Variants in FRMPD4 observed in about 807,000 individuals in gnomAD.
The protein encoded by FRMPD4 is FERM and PDZ domain-containing protein 4.
In FRMPD4, 22 loss-of-function variants were observed where a neutral mutation model predicts 94.1. That is an observed-to-expected ratio of 0.23 (90% CI 0.17 to 0.33). FRMPD4 has a LOEUF of 0.33. FRMPD4 is among the 10% of genes least tolerant of loss of function. The pLI is 1.00. For synonymous variants in FRMPD4, 631 were observed against 548.6 expected, an observed-to-expected ratio of 1.15 and a Z score of -2.10; for missense variants, 1,111 against 1,339.9, an observed-to-expected ratio of 0.83 and a Z score of 2.67.
intron 8 of FRMPD4, among the ~76,000 whole-genome samples, chrX:12,693,880 G>A (rs750931417): frequency 2.7e-5 from 3 of 111,403 alleles, no homozygotes; most frequent in Non-Finnish European, 5.7e-5. Flanking sequence ...GTCCAAACCT[G>A]GAAACTCACA....
intron 1 of FRMPD4, among the ~76,000 whole-genome samples, chrX:12,487,569 C>A (rs971011546): frequency 6.2e-5 from 7 of 112,062 alleles, no homozygotes; most frequent in Admixed American, 2.8e-4. Context: ...TGATAAATAT[C>A]TATTTTCAAG....
intron 3 of FRMPD4, among the ~76,000 whole-genome samples, chrX:11,946,898 C>T (rs761484468): frequency 3.6e-5 from 4 of 112,192 alleles, no homozygotes; most frequent in East Asian, 2.8e-4. Flanking sequence ...GGCATTTAGA[C>T]TCAGACTGAA....
In FRMPD4 at chrX:12,704,434, A is replaced by C; in HGVS notation, c.1146A>C (p.Ala382=). Residue 382 remains alanine (A), a synonymous_variant, in exon 11 of 17, where the codon GCA becomes GCC. Coordinates refer to ENST00000675598, the MANE Select transcript of FRMPD4 (RefSeq NM_001368397.1). ...TGAAAGAGAAGAACATAAAGAAAGC[A>C]CTTTCACACCTTGTCAAAGCAAATC... ...QSMKEKNIKK[A]LSHLVKANQN... is the part of the protein sequence containing the mutation. 8.4e-7 allele frequency: 1 copy of C among 1,192,276 alleles called. No individual in the cohort carries two copies. The highest frequency in any genetic ancestry group is 1.1e-6 in the Non-Finnish European group (1 of 880,927).
intron 1 of FRMPD4, among the ~76,000 whole-genome samples, chrX:12,367,882 A>G (rs780119284): frequency 6.3e-5 from 7 of 111,609 alleles, no homozygotes; most frequent in Non-Finnish European, 9.4e-5. Context: ...ACAAAATAAA[A>G]ACTCTTCTTA....
chrX:12,615,557 G>C (rs769820002), intron 4 of FRMPD4, among the ~76,000 whole-genome samples: 6 of 111,659 alleles, frequency 5.4e-5, no homozygotes, highest in Non-Finnish European at 1.1e-4. Flanking sequence ...AGGGAAAAGA[G>C]TTCTTTAGAA....
chrX:12,180,723 T>G (rs2056348760), intron 1 of FRMPD4, among the ~76,000 whole-genome samples: 1 of 112,650 alleles, frequency 8.9e-6, no homozygotes, highest in Non-Finnish European at 1.9e-5. Context: ...GCAGGCAAGA[T>G]AGCTTCTGTT....
At chrX:12,203,058 A>T (rs1391799713) in intron 1 of FRMPD4, among the ~76,000 whole-genome samples, 1 of 111,905 alleles carries the variant, frequency 8.9e-6, no homozygotes, top group Non-Finnish European at 1.9e-5. Context: ...GTAATTTGTT[A>T]TGGCATCCAT....
At chrX:12,087,242 G>A (rs971157353) in intron 3 of FRMPD4, among the ~76,000 whole-genome samples, 10 of 111,567 alleles carry the variant, frequency 9.0e-5, no homozygotes, top group African/African-American at 3.3e-4. Flanking sequence ...AAGGCCTAAG[G>A]TTGGGGGTGG....
intron 1 of FRMPD4, among the ~76,000 whole-genome samples, chrX:12,471,492 G>A (rs1164275539): frequency 2.7e-5 from 3 of 111,606 alleles, no homozygotes; most frequent in East Asian, 2.8e-4. Flanking sequence ...TGGATACTTG[G>A]GACAAATCAA....
intron 3 of FRMPD4, among the ~76,000 whole-genome samples, chrX:12,025,301 C>T (rs1013968041): frequency 7.3e-5 from 8 of 109,677 alleles, no homozygotes; most frequent in African/African-American, 2.7e-4. Flanking sequence ...CCATACCTCC[C>T]CTCTAAGCTC....
intron 1 of FRMPD4, among the ~76,000 whole-genome samples, chrX:12,298,744 G>T (rs1372153961): frequency 8.9e-6 from 1 of 112,214 alleles, no homozygotes; most frequent in Non-Finnish European, 1.9e-5. Context: ...TATAAATTGG[G>T]CAGGGGTTAG....
chrX:11,921,737 T>C (rs947385213), intron 3 of FRMPD4, among the ~76,000 whole-genome samples: 1 of 112,318 alleles, frequency 8.9e-6, no homozygotes, highest in Non-Finnish European at 1.9e-5. Context: ...CAACAGCAGT[T>C]AACATGTAAT....
chrX:12,349,479 G>C (rs2055767930), intron 1 of FRMPD4, among the ~76,000 whole-genome samples: 1 of 110,511 alleles, frequency 9.0e-6, no homozygotes, highest in South Asian at 3.9e-4. Context: ...GGTGTTGTGG[G>C]AAAACAGCAG....
At chrX:12,190,490 A>G (rs2056477422) in intron 1 of FRMPD4, among the ~76,000 whole-genome samples, 1 of 110,644 alleles carries the variant, frequency 9.0e-6, no homozygotes, top group Non-Finnish European at 1.9e-5. Context: ...AAGACTTACT[A>G]TAAAACTACA....
In FRMPD4 at chrX:12,561,173, C is replaced by T. The variant is rs1210272056; in HGVS notation, c.159-48548C>T. Among the ~76,000 whole-genome samples the T allele has an allele frequency of 6.3e-5, 7 of 111,889 alleles. No homozygotes were observed. In the South Asian group the frequency reaches 1.5e-3, roughly 24 times the overall value. On this transcript the variant is annotated intron_variant, in intron 2 of 16. Transcript: ENST00000675598. ...TTCACCGACATTGTGGAAATCAGTA[C>T]GTCCAAATGTCTAAACATCTCTCCA...
chrX:12,720,241 G>T (rs1266090153), intron 16 of FRMPD4, among the ~76,000 whole-genome samples: 1 of 111,746 alleles, frequency 8.9e-6, no homozygotes, highest in Non-Finnish European at 1.9e-5. Flanking sequence ...GTAGATATTG[G>T]GAGTAAGGCA....
chrX:12,159,806 G>A (rs982183280), intron 1 of FRMPD4, among the ~76,000 whole-genome samples: 29 of 112,087 alleles, frequency 2.6e-4, no homozygotes, highest in African/African-American at 8.4e-4. Context: ...TAAAAGATAA[G>A]AAGCTAATAA....
At chrX:11,825,571 TTAAAAA>T (rs2053439047) in intron 1 of FRMPD4, among the ~76,000 whole-genome samples, 1 of 107,829 alleles carries the variant, frequency 9.3e-6, no homozygotes, top group South Asian at 3.9e-4. Context: ...CTGTAAATGT[TTAAAAA>T]TAATAACAAT....
intron 4 of FRMPD4, among the ~76,000 whole-genome samples, chrX:12,666,692 C>A (rs2059783856): frequency 9.0e-6 from 1 of 111,622 alleles, no homozygotes; most frequent in African/African-American, 3.3e-5. Flanking sequence ...GGGAAAATAA[C>A]AAAATTAAGG....
Sources: gnomAD v4.1 joint callset for allele counts (sites outside exome capture counted in the v4.1 genomes callset) on GRCh38, gnomAD v4.1.1 for gene constraint, MANE v1.5 for transcripts, NCBI Gene and HGNC (gene_info 2026-07-23, HGNC 2026-07-21) for gene names.